Variants in IL1RAPL1 observed in about 807,000 individuals in gnomAD.
IL1RAPL1 encodes interleukin-1 receptor accessory protein-like 1.
In IL1RAPL1, 3 loss-of-function variants were observed where a neutral mutation model predicts 48.4. The observed-to-expected ratio is 0.06, with a 90% CI of 0.03 to 0.16. IL1RAPL1 has a LOEUF of 0.16. Ranked by LOEUF, IL1RAPL1 falls within the 10% of genes least tolerant of loss-of-function variation. The pLI is 1.00. For missense variants in IL1RAPL1, 349 were observed against 530.6 expected (o/e 0.66, Z 3.36); for synonymous variants, 185 against 187.7 (o/e 0.99, Z 0.12).
rs778402885 is a variant in IL1RAPL1, at chrX:28,615,199, GTTTTTTTTTTTTTTTTTT to G, written c.-25+27170_-25+27187del. On this transcript the variant is annotated intron_variant, in intron 1 of 10. Coordinates refer to ENST00000378993, the MANE Select transcript of IL1RAPL1 (RefSeq NM_014271.4). ...CACTGCGCCTGGCCAACTGTTGTCT[GTTTTTTTTTTTTTTTTTT>G]TTTTTTTTTTTTTTTTTACCTACAA... is the stretch of plus-strand genomic sequence containing the variant. Among the ~76,000 whole-genome samples the G allele has an allele frequency of 3.1e-4, 8 of 26,056 alleles. No individual in the cohort carries two copies. The South Asian group carries it at 9.9e-3, about 32-fold the overall frequency. 22.6% of individuals were successfully genotyped at this position (26,056 alleles called of 115,157 possible).
intron 2 of IL1RAPL1, among the ~76,000 whole-genome samples, chrX:28,790,137 T>C (rs1936519427): frequency 8.9e-6 from 1 of 112,224 alleles, no homozygotes; most frequent in South Asian, 3.7e-4. Context: ...CTTGCCATGC[T>C]CACACTATGT....
chrX:29,284,915 G>A (rs936074045), intron 3 of IL1RAPL1, among the ~76,000 whole-genome samples: 2 of 111,692 alleles, frequency 1.8e-5, no homozygotes, highest in African/African-American at 6.5e-5. Flanking sequence ...AATACTGTTT[G>A]GACTAGCTGT....
chrX:29,008,423 G>A (rs983521428), intron 2 of IL1RAPL1, among the ~76,000 whole-genome samples: 4 of 111,627 alleles, frequency 3.6e-5, no homozygotes, highest in Non-Finnish European at 7.5e-5. Context: ...TGATCTGCCC[G>A]CCTCGGCCTC....
chrX:28,825,131 A>G (rs1317878320), intron 2 of IL1RAPL1, among the ~76,000 whole-genome samples: 1 of 111,998 alleles, frequency 8.9e-6, no homozygotes. Flanking sequence ...ACATTATGTG[A>G]CAGAACCTAG....
chrX:29,107,908 A>T (rs996764615), intron 2 of IL1RAPL1, among the ~76,000 whole-genome samples: 1 of 112,131 alleles, frequency 8.9e-6, no homozygotes, highest in Non-Finnish European at 1.9e-5. Context: ...GACCATGAAG[A>T]TGACTACTCT....
intron 2 of IL1RAPL1, among the ~76,000 whole-genome samples, chrX:29,122,932 A>G (rs1374872958): frequency 5.4e-5 from 6 of 111,841 alleles, no homozygotes; most frequent in African/African-American, 1.9e-4. Context: ...AGAATAGGCA[A>G]TCTTGGATAT....
chrX:28,921,733 T>C (rs1323569995), intron 2 of IL1RAPL1, among the ~76,000 whole-genome samples: 1 of 112,287 alleles, frequency 8.9e-6, no homozygotes, highest in African/African-American at 3.2e-5. Flanking sequence ...CACTGTGGGT[T>C]TAATTCTTTC....
rs765099335 is a variant in IL1RAPL1, at chrX:29,276,939, TAA to T, written c.83-5997_83-5996del. Among the ~76,000 whole-genome samples the T allele has an allele frequency of 3.8e-3, 424 of 112,069 alleles. 1 individual carries two copies. The highest frequency in any genetic ancestry group is 0.019 in the Middle Eastern group (4 of 216). ...TATAGAGATGGCGATAGAGATACGG[TAA>T]AGTCCCACTTCTCAGAGTACACCAC... On this transcript the variant is annotated intron_variant, in intron 2 of 10. Transcript: ENST00000378993.
At chrX:29,606,727 G>A (rs1345323934) in intron 5 of IL1RAPL1, among the ~76,000 whole-genome samples, 1 of 111,153 alleles carries the variant, frequency 9.0e-6, no homozygotes, top group African/African-American at 3.3e-5. Context: ...ACCTTTGGGA[G>A]AAGTTACTGT....
chrX:29,438,800 A>G (rs1320532782), intron 5 of IL1RAPL1, among the ~76,000 whole-genome samples: 2 of 110,947 alleles, frequency 1.8e-5, no homozygotes, highest in Admixed American at 9.6e-5. Flanking sequence ...CTATCTAGGT[A>G]TATGATCCAT....
At chrX:29,947,781 G>A (rs1490226515) in intron 9 of IL1RAPL1, among the ~76,000 whole-genome samples, 10 of 103,866 alleles carry the variant, frequency 9.6e-5, no homozygotes, top group African/African-American at 3.5e-4. Context: ...GGGGGGGTGG[G>A]TGGTGGTGGT....
chrX:29,947,607 T>A (rs1933236095), intron 9 of IL1RAPL1, among the ~76,000 whole-genome samples: 1 of 111,595 alleles, frequency 9.0e-6, no homozygotes, highest in African/African-American at 3.3e-5. Context: ...TATGAAATCT[T>A]AGGCCATAGA....
At chrX:29,706,558 C>T (rs919982226) in intron 6 of IL1RAPL1, among the ~76,000 whole-genome samples, 6 of 111,800 alleles carry the variant, frequency 5.4e-5, no homozygotes, top group East Asian at 2.8e-4. Context: ...AAATACAGCA[C>T]GGCAGTCAAA....
intron 6 of IL1RAPL1, among the ~76,000 whole-genome samples, chrX:29,907,919 T>C (rs1283356986): frequency 1.8e-5 from 2 of 111,684 alleles, no homozygotes; most frequent in Non-Finnish European, 3.8e-5. Flanking sequence ...TCATGGATGA[T>C]AATGATTTCT....
At chrX:28,963,593 A>G (rs1397526267) in intron 2 of IL1RAPL1, among the ~76,000 whole-genome samples, 1 of 111,279 alleles carries the variant, frequency 9.0e-6, no homozygotes, top group Non-Finnish European at 1.9e-5. Context: ...GAAGGTGCCC[A>G]TCCTCCTTTG....
rs1369292876 is a variant in IL1RAPL1 at position 29,310,141 on chromosome X, AAAAAAAAC to A, written c.362+26932_362+26939del. On this transcript the variant is annotated intron_variant, in intron 3 of 10. Coordinates refer to ENST00000378993, the MANE Select transcript of IL1RAPL1 (RefSeq NM_014271.4). ...AAAAAAAAAAAAAAGAAAGGAAAAA[AAAAAAAAC>A]AAAAAAAGGGTAAGTCGGGAGCTTA... is the stretch of plus-strand genomic sequence containing the variant. Among the ~76,000 whole-genome samples, 22 of 98,935 alleles carry A rather than the reference AAAAAAAAC, an allele frequency of 2.2e-4. 2 individuals are homozygous for A. Among genetic ancestry groups the A allele is most frequent in the African/African-American group, 7.8e-4 (20 of 25,552 alleles). The allele number at this position is 98,935 out of a possible 115,157, so 85.9% of individuals were successfully genotyped here.
intron 5 of IL1RAPL1, among the ~76,000 whole-genome samples, chrX:29,542,531 CAT>C (rs1236314695): frequency 8.9e-6 from 1 of 112,269 alleles, no homozygotes; most frequent in Non-Finnish European, 1.9e-5. Flanking sequence ...TCTATCTAAC[CAT>C]ATGTCAGAAT....
chrX:29,939,966 G>A (rs914116024), intron 8 of IL1RAPL1, among the ~76,000 whole-genome samples: 2 of 107,361 alleles, frequency 1.9e-5, no homozygotes, highest in Non-Finnish European at 1.9e-5. Context: ...GGGTTCAAGC[G>A]ATTCTCCTGT....
rs1489234868 is a variant in IL1RAPL1, at chrX:29,668,433, C to T, written c.707C>T (p.Pro236Leu). 1 of 1,206,216 alleles carries T rather than the reference C, an allele frequency of 8.3e-7. No individual in the cohort carries two copies. The highest frequency in any genetic ancestry group is 3.0e-5 in the East Asian group (1 of 33,809). The change falls in exon 6 of 11, where the codon CCT (proline) becomes CTT (leucine). Residue 236 changes from proline to leucine, a missense_variant. Pro to Leu is a moderately conservative substitution (Grantham distance 98). Coordinates refer to ENST00000378993, the MANE Select transcript of IL1RAPL1 (RefSeq NM_014271.4). Reference protein sequence around the residue: ...RRTTELTVTAPLTDKPPKLLY... With the variant: ...RRTTELTVTALLTDKPPKLLY... ...TATTATTGTTGTTGTTTTTCAGCCCCTCTGACTGATAAGCCACCCAAGCTT... is the reference window on the plus strand; with the variant it reads ...TATTATTGTTGTTGTTTTTCAGCCCTTCTGACTGATAAGCCACCCAAGCTT...
Sources: allele counts gnomAD v4.1 joint callset (sites outside exome capture counted in the v4.1 genomes callset), GRCh38; gene constraint gnomAD v4.1.1; transcripts MANE v1.5; gene names NCBI Gene and HGNC (gene_info 2026-07-23, HGNC 2026-07-21).